Variants in SGCZ observed in about 807,000 individuals in gnomAD.
The protein encoded by SGCZ is sarcoglycan zeta.
Under a neutral mutation model 41.3 loss-of-function variants are expected in SGCZ, and 40 were observed. The ratio of observed to expected loss-of-function variants is 0.97; its 90% confidence interval spans 0.75 to 1.26. The LOEUF (loss-of-function observed/expected upper bound fraction) is 1.26, where lower values mean the gene tolerates loss of function less well. SGCZ is among the 50% of genes most tolerant of loss of function. SGCZ has a pLI of 0.00. For missense variants in SGCZ, 552 were observed against 369.8 expected (o/e 1.49, Z -4.04); for synonymous variants, 206 against 137.5 (o/e 1.50, Z -3.49).
At chr8:14,246,909 CAAAAAAAA>C (rs5889525) in intron 3 of SGCZ, among the ~76,000 whole-genome samples, 43 of 84,354 alleles carry the variant, frequency 5.1e-4, no homozygotes, top group Non-Finnish European at 8.8e-4. Context: ...GACTCCATCT[CAAAAAAAA>C]AAAAAAAAAA....
At chr8:14,988,081 A>G (rs543962629) in intron 1 of SGCZ, among the ~76,000 whole-genome samples, 1 of 152,132 alleles carries the variant, frequency 6.6e-6, no homozygotes, top group South Asian at 2.1e-4. Flanking sequence ...GGAATGCACA[A>G]TAAGTTTTCC....
At chr8:14,975,972 G>GTA (rs1801460730) in intron 1 of SGCZ, among the ~76,000 whole-genome samples, 2 of 131,062 alleles carry the variant, frequency 1.5e-5, no homozygotes, top group Non-Finnish European at 3.2e-5. Context: ...ATGTGTGTGC[G>GTA]TGTGTGTATG....
intron 2 of SGCZ, among the ~76,000 whole-genome samples, chr8:14,549,061 T>C (rs1803718702): frequency 4.6e-5 from 7 of 152,082 alleles, no homozygotes. Context: ...TACCAGTTAA[T>C]TGCCGGCCAA....
chr8:14,932,596 G>C (rs1799950062), intron 1 of SGCZ, among the ~76,000 whole-genome samples: 1 of 151,886 alleles, frequency 6.6e-6, no homozygotes, highest in African/African-American at 2.4e-5. Flanking sequence ...TTTACTAAAA[G>C]AACCATTATC....
intron 2 of SGCZ, among the ~76,000 whole-genome samples, chr8:14,528,611 C>A (rs1172053635): frequency 6.6e-6 from 1 of 151,844 alleles, no homozygotes; most frequent in African/African-American, 2.4e-5. Flanking sequence ...TTTGATCCTC[C>A]AAATCCCCTG....
chr8:15,180,423 G>A (rs1246447419), intron 1 of SGCZ, among the ~76,000 whole-genome samples: 1 of 152,178 alleles, frequency 6.6e-6, no homozygotes, highest in Non-Finnish European at 1.5e-5. Flanking sequence ...TTAGGGCTCA[G>A]TAACATGTCC....
chr8:14,844,364 A>G (rs80290200), intron 1 of SGCZ, among the ~76,000 whole-genome samples: 2,287 of 152,262 alleles, frequency 0.015, 33 homozygotes, highest in South Asian at 0.053. Flanking sequence ...AGAGAATAAT[A>G]TATCCTTTCC....
At chr8:14,290,959 A>G (rs1800819559) in intron 3 of SGCZ, among the ~76,000 whole-genome samples, 1 of 152,158 alleles carries the variant, frequency 6.6e-6, no homozygotes, top group Non-Finnish European at 1.5e-5. Context: ...TCAGTGGATG[A>G]ATGGATAAAG....
At chr8:14,890,648 C>T (rs530228299) in intron 1 of SGCZ, among the ~76,000 whole-genome samples, 1 of 152,300 alleles carries the variant, frequency 6.6e-6, no homozygotes, top group Non-Finnish European at 1.5e-5. Context: ...TCCAGAAGAT[C>T]TAGTGAGGAT....
chr8:14,394,726 A>T (rs1456343073), intron 2 of SGCZ, among the ~76,000 whole-genome samples: 1 of 152,214 alleles, frequency 6.6e-6, no homozygotes, highest in Non-Finnish European at 1.5e-5. Context: ...AAATAAAGAA[A>T]GAATCAGGAT....
intron 2 of SGCZ, among the ~76,000 whole-genome samples, chr8:14,408,949 G>GTGTGT (rs1799283477): frequency 9.9e-6 from 1 of 101,202 alleles, no homozygotes; most frequent in African/African-American, 7.7e-5. Context: ...TTTAAATTAA[G>GTGTGT]AGAGTGTGTG....
At chr8:14,341,025 T>A (rs933791696) in intron 2 of SGCZ, among the ~76,000 whole-genome samples, 1 of 152,350 alleles carries the variant, frequency 6.6e-6, no homozygotes, top group Non-Finnish European at 1.5e-5. Flanking sequence ...GTAAGTGTAA[T>A]CATACAACAA....
At chr8:15,000,322 A>G (rs1802370983) in intron 1 of SGCZ, among the ~76,000 whole-genome samples, 1 of 152,192 alleles carries the variant, frequency 6.6e-6, no homozygotes, top group Non-Finnish European at 1.5e-5. Flanking sequence ...CAAACTTTAA[A>G]AATATGGGAT....
intron 1 of SGCZ, among the ~76,000 whole-genome samples, chr8:15,124,474 T>G (rs1250885966): frequency 6.6e-6 from 1 of 152,176 alleles, no homozygotes; most frequent in Admixed American, 6.5e-5. Context: ...TAGATCATGT[T>G]TGCAAGGCCA....
At chr8:14,176,014 G>T (rs889331511) in intron 4 of SGCZ, among the ~76,000 whole-genome samples, 2 of 152,012 alleles carry the variant, frequency 1.3e-5, no homozygotes, top group Non-Finnish European at 2.9e-5. Context: ...TTCAAATTTT[G>T]CATCATTATG....
chr8:14,809,035 T>A (rs973873956), intron 1 of SGCZ, among the ~76,000 whole-genome samples: 103 of 146,748 alleles, frequency 7.0e-4, no homozygotes, highest in African/African-American at 2.6e-3. Flanking sequence ...AACAATGAGA[T>A]CAAATGGACA....
chr8:15,172,714 G>C lies in SGCZ; in HGVS notation c.39+64871C>G, dbSNP rs545949407. On this transcript the variant is annotated intron_variant, in intron 1 of 7. Coordinates refer to ENST00000382080, the MANE Select transcript of SGCZ (RefSeq NM_139167.4). ...TCTATTAAAAAATCTTCCTGGGATA[G>C]AATTTTACCTTTATCAACATGCGTA... Among the ~76,000 whole-genome samples the C allele has an allele frequency of 4.6e-5, 7 of 152,220 alleles. No individual in the cohort carries two copies. In the South Asian group the frequency reaches 1.5e-3, roughly 32 times the overall value.
rs1055439046 is a variant in SGCZ at position 14,113,238 on chromosome 8, CA to C, written c.548-5004del. On this transcript the variant is annotated intron_variant, in intron 5 of 7. Transcript: ENST00000382080. Reference sequence around the variant, plus strand: ...TGTAATCTGAGCCCATTTGTGTGTTCAAACATCTTTTCTTCCACTTACGTAT... The same window carrying C: ...TGTAATCTGAGCCCATTTGTGTGTTCAACATCTTTTCTTCCACTTACGTAT... 2.0e-4 allele frequency among the ~76,000 whole-genome samples: 31 copies of C among 152,164 alleles called. 1 individual carries two copies. The highest frequency in any genetic ancestry group is 7.2e-4 in the African/African-American group (30 of 41,542).
At position 14,209,690 on chromosome 8, in the gene SGCZ, A is replaced by G. The variant is rs1431603532; in HGVS notation, c.424+27902T>C. ...CCTTTTTATTAGCTATGCCTATTTTACATTTAAATTTATGTGACATATTTA... is the reference window on the plus strand; with the variant it reads ...CCTTTTTATTAGCTATGCCTATTTTGCATTTAAATTTATGTGACATATTTA... On this transcript the variant is annotated intron_variant, in intron 4 of 7. Coordinates refer to ENST00000382080, the MANE Select transcript of SGCZ (RefSeq NM_139167.4). Among the ~76,000 whole-genome samples the G allele has an allele frequency of 2.0e-5, 3 of 152,180 alleles. No homozygotes were observed. In the East Asian group the frequency reaches 5.8e-4, roughly 29 times the overall value.
Sources: allele counts gnomAD v4.1 joint callset (sites outside exome capture counted in the v4.1 genomes callset), GRCh38; gene constraint gnomAD v4.1.1; transcripts MANE v1.5; gene names NCBI Gene and HGNC (gene_info 2026-07-23, HGNC 2026-07-21).